SLC12A6: variants seen among roughly 807,000 people sequenced by gnomAD.
The protein encoded by SLC12A6 is K-Cl cotransporter 3.
In SLC12A6, 66 loss-of-function variants were observed where a neutral mutation model predicts 135.3. The observed-to-expected ratio is 0.49, with a 90% confidence interval of 0.40 to 0.60. The LOEUF is 0.60. SLC12A6 is among the 20% of genes least tolerant of loss of function. The pLI is 0.00. For missense variants in SLC12A6, 1,058 were observed against 1,452.3 expected, an observed-to-expected ratio of 0.73 and a Z score of 4.41; for synonymous variants, 513 against 508.8, an observed-to-expected ratio of 1.01 and a Z score of -0.11.
chr15:34,261,677 T>C (rs1384278204), intron 3 of SLC12A6, among the ~76,000 whole-genome samples: 1 of 152,208 alleles, frequency 6.6e-6, no homozygotes, highest in Non-Finnish European at 1.5e-5. Context: ...AATACTGTGT[T>C]AGATGTAGTC....
intron 2 of SLC12A6, among the ~76,000 whole-genome samples, chr15:34,314,009 G>A (rs1015242806): frequency 6.7e-6 from 1 of 149,288 alleles, no homozygotes; most frequent in Non-Finnish European, 1.5e-5. Context: ...GAACAACAAA[G>A]CCTGAATAGC....
At chr15:34,310,141 T>C (rs1566859933) in intron 2 of SLC12A6, among the ~76,000 whole-genome samples, 1 of 151,692 alleles carries the variant, frequency 6.6e-6, no homozygotes, top group Non-Finnish European at 1.5e-5. Context: ...TCCGAGTAGC[T>C]GGGACTACAG....
chr15:34,283,587 G>C (rs1421439536), intron 2 of SLC12A6, among the ~76,000 whole-genome samples: 1 of 152,080 alleles, frequency 6.6e-6, no homozygotes, highest in African/African-American at 2.4e-5. Context: ...ATGGGAATCA[G>C]CTTGGTATAT....
chr15:34,318,278 C>T (rs1017588873), intron 2 of SLC12A6, among the ~76,000 whole-genome samples: 3 of 152,198 alleles, frequency 2.0e-5, no homozygotes, highest in Non-Finnish European at 4.4e-5. Context: ...AAATTGACTT[C>T]TGTGTCTTTC....
chr15:34,275,041 T>C (rs555134870), intron 3 of SLC12A6, among the ~76,000 whole-genome samples: 1 of 152,254 alleles, frequency 6.6e-6, no homozygotes, highest in South Asian at 2.1e-4. Flanking sequence ...AAGTCAGATA[T>C]TACAAAGCTA....
In SLC12A6 at chr15:34,255,402, A is replaced by G. The variant is rs781289565; in HGVS notation, c.746-10T>C. ...AAGTATGAGCCCCCAGCTAAAAGAC[A>G]AAACAGAAGGTGAATAGAAGAAAGA... On this transcript the variant is annotated splice_polypyrimidine_tract_variant and intron_variant, in intron 7 of 25. Coordinates refer to ENST00000354181, the MANE Select transcript of SLC12A6 (RefSeq NM_001365088.1). 1.3e-6 allele frequency: 2 copies of G among 1,599,116 alleles called. No individual in the cohort carries two copies. Among genetic ancestry groups the G allele is most frequent in the Non-Finnish European group, 1.7e-6 (2 of 1,166,350 alleles).
intron 2 of SLC12A6, among the ~76,000 whole-genome samples, chr15:34,314,421 G>A (rs551493642): frequency 6.6e-6 from 1 of 152,274 alleles, no homozygotes; most frequent in African/African-American, 2.4e-5. Flanking sequence ...AAATATTACT[G>A]CTCTTCAACA....
intron 10 of SLC12A6, 86 bp from the exon 11 acceptor site, chr15:34,251,143 G>A: frequency 2.9e-6 from 3 of 1,017,386 alleles, no homozygotes; most frequent in Non-Finnish European, 4.7e-6. Flanking sequence ...TCAAAATCAG[G>A]CTCCTCATTT....
Position 34,230,063 on chromosome 15 carries a change from C to T in SLC12A6, c.*3818G>A. On this transcript the variant is annotated 3_prime_UTR_variant, in exon 26 of 26. Coordinates refer to ENST00000354181, the MANE Select transcript of SLC12A6 (RefSeq NM_001365088.1). ...GCAAAACAACAACAAAAAAACATAACTATGTAAACAAGAGAATAACTGCTG... is the reference window on the plus strand; with the variant it reads ...GCAAAACAACAACAAAAAAACATAATTATGTAAACAAGAGAATAACTGCTG... 2.3e-6 allele frequency: 1 copy of T among 435,664 alleles called. No homozygotes were observed. The highest frequency in any genetic ancestry group is 4.1e-6 in the Non-Finnish European group (1 of 246,812). 27.0% of individuals were successfully genotyped at this position (435,664 alleles called of 1,614,324 possible). A position where few individuals can be genotyped will look rare whatever the true frequency, so the allele number is the denominator to read the frequency against.
At chr15:34,330,662 G>T (rs974629770) in intron 2 of SLC12A6, among the ~76,000 whole-genome samples, 2 of 149,204 alleles carry the variant, frequency 1.3e-5, no homozygotes, top group African/African-American at 2.5e-5. Flanking sequence ...ATGAGACCCT[G>T]TCTCAAAAAA....
intron 24 of SLC12A6, among the ~76,000 whole-genome samples, 177 bp downstream of exon 24, chr15:34,235,838 G>A (rs1246535936): frequency 1.3e-5 from 2 of 152,168 alleles, no homozygotes; most frequent in Admixed American, 1.3e-4. Flanking sequence ...TGTGGATAGA[G>A]GGGATGGTTA....
In SLC12A6 at chr15:34,233,982, T is replaced by G; in HGVS notation, c.3362-10A>C. On this transcript the variant is annotated splice_polypyrimidine_tract_variant and intron_variant, in intron 25 of 25. Transcript: ENST00000354181. The stretch of plus-strand genomic sequence containing the variant: ...TCTAGGAACTCCATGTCTTCAAAAC[T>G]TGTCAAGGAGACAGGCAAAAGAAGA... 6.9e-7 allele frequency: 1 copy of G among 1,457,072 alleles called. No individual in the cohort carries two copies. Among genetic ancestry groups the G allele is most frequent in the Non-Finnish European group, 9.6e-7 (1 of 1,036,400 alleles). 90.3% of individuals were successfully genotyped at this position (1,457,072 alleles called of 1,614,324 possible).
At chr15:34,304,556 G>A (rs758981918) in intron 2 of SLC12A6, among the ~76,000 whole-genome samples, 1 of 151,958 alleles carries the variant, frequency 6.6e-6, no homozygotes, top group Non-Finnish European at 1.5e-5. Flanking sequence ...CTTGATATCT[G>A]TCTTTTTGTT....
chr15:34,234,785 ATC>A (rs1159271293), intron 25 of SLC12A6, among the ~76,000 whole-genome samples: 3 of 152,106 alleles, frequency 2.0e-5, no homozygotes, highest in Non-Finnish European at 4.4e-5. Context: ...AAGAATCCCT[ATC>A]TCTTTTTTCC....
At position 34,230,073 on chromosome 15, in the gene SLC12A6, A is replaced by T. The variant is rs1373850206; in HGVS notation, c.*3808T>A. 1 of 415,650 alleles carries T rather than the reference A, an allele frequency of 2.4e-6. No homozygotes were observed. 25.7% of individuals were successfully genotyped at this position (415,650 alleles called of 1,614,324 possible). On this transcript the variant is annotated 3_prime_UTR_variant, in exon 26 of 26. Coordinates refer to ENST00000354181, the MANE Select transcript of SLC12A6 (RefSeq NM_001365088.1). ...AACAAAAAAACATAACTATGTAAAC[A>T]AGAGAATAACTGCTGCTAAATCAAG...
intron 20 of SLC12A6, 39 bp downstream of exon 20, chr15:34,238,926 G>A (rs369674686): frequency 4.4e-5 from 68 of 1,529,906 alleles, no homozygotes; most frequent in Non-Finnish European, 5.6e-5. Flanking sequence ...ATATACCCTC[G>A]ACTTGGGCCT....
intron 2 of SLC12A6, among the ~76,000 whole-genome samples, chr15:34,279,182 A>T (rs1261549417): frequency 2.6e-5 from 4 of 151,662 alleles, no homozygotes; most frequent in Non-Finnish European, 4.4e-5. Context: ...GGGCATGGTG[A>T]TGCGCCCCTG....
At chr15:34,254,664 T>G (rs1366815579) in intron 8 of SLC12A6, 75 bp from the exon 9 acceptor site, 2 of 1,169,290 alleles carry the variant, frequency 1.7e-6, no homozygotes, top group African/African-American at 3.0e-5. Context: ...TCGTTTGCAT[T>G]TACTTTCACA....
chr15:34,331,539 C>T (rs16959012), intron 2 of SLC12A6, among the ~76,000 whole-genome samples: 28,143 of 152,088 alleles, frequency 0.19, 2,910 homozygotes, highest in East Asian at 0.33. Context: ...TATCAGAGTA[C>T]GTTTTTAATT....
Sources: gnomAD v4.1 joint callset for allele counts (sites outside exome capture counted in the v4.1 genomes callset) on GRCh38, gnomAD v4.1.1 for gene constraint, MANE v1.5 for transcripts, NCBI Gene and HGNC (gene_info 2026-07-23, HGNC 2026-07-21) for gene names.